SNRPD1: variants seen among roughly 807,000 people sequenced by gnomAD.
The protein encoded by SNRPD1 is small nuclear ribonucleoprotein D1 polypeptide, also known as small nuclear ribonucleoprotein Sm D1.
In SNRPD1, 1 loss-of-function variant was observed where a neutral mutation model predicts 14.4. That is an observed-to-expected ratio of 0.07 (90% CI 0.02 to 0.33). The LOEUF (loss-of-function observed/expected upper bound fraction) is 0.33, where lower values mean the gene tolerates loss of function less well. SNRPD1 is among the 10% of genes least tolerant of loss of function. The pLI is 1.00. For synonymous variants in SNRPD1, 42 were observed against 50.3 expected (o/e 0.83, Z 0.70); for missense variants, 52 against 146.4 (o/e 0.36, Z 3.33).
At chr18:21,613,633 G>C (rs2038936095) in intron 1 of SNRPD1, among the ~76,000 whole-genome samples, 1 of 152,092 alleles carries the variant, frequency 6.6e-6, no homozygotes, top group Admixed American at 6.6e-5. Flanking sequence ...AAGGCGGGTG[G>C]ATCACTAGGT....
intron 1 of SNRPD1, among the ~76,000 whole-genome samples, chr18:21,620,044 T>TCC (rs1207935945): frequency 6.6e-6 from 1 of 152,030 alleles, no homozygotes; most frequent in East Asian, 1.9e-4. Context: ...AACCTCTGCC[T>TCC]CCCAGGTTCA....
chr18:21,625,317 T>A (rs567258609), intron 3 of SNRPD1, among the ~76,000 whole-genome samples: 903 of 89,084 alleles, frequency 0.01, 15 homozygotes, highest in South Asian at 0.08. Context: ...TTGAAAAAAA[T>A]TTTTTTTTTT....
chr18:21,618,642 A>G (rs2146257518), intron 1 of SNRPD1, among the ~76,000 whole-genome samples: 1 of 152,284 alleles, frequency 6.6e-6, no homozygotes, highest in East Asian at 1.9e-4. Context: ...GGAGCTGAAT[A>G]ACTCTCTGGT....
intron 1 of SNRPD1, among the ~76,000 whole-genome samples, chr18:21,617,837 G>C (rs963243136): frequency 2.6e-5 from 4 of 152,026 alleles, no homozygotes; most frequent in Non-Finnish European, 4.4e-5. Context: ...AAATTAGCTG[G>C]GTGTGGTGGC....
intron 3 of SNRPD1, among the ~76,000 whole-genome samples, chr18:21,625,315 A>ATTTT (rs748864232): frequency 9.2e-5 from 9 of 98,274 alleles, no homozygotes; most frequent in Non-Finnish European, 1.4e-4. Context: ...TGTTGAAAAA[A>ATTTT]ATTTTTTTTT....
chr18:21,622,378 G>T (rs1341434410), intron 1 of SNRPD1, among the ~76,000 whole-genome samples: 1 of 152,120 alleles, frequency 6.6e-6, no homozygotes, highest in Admixed American at 6.6e-5. Flanking sequence ...CTGACCTCGT[G>T]ATCCGCCCGC....
In SNRPD1 at chr18:21,630,865, A is replaced by G. The variant is rs893134876; in HGVS notation, c.*1727A>G. 6.7e-6 allele frequency: 1 copy of G among 148,816 alleles called. No individual in the cohort carries two copies. The highest frequency in any genetic ancestry group is 1.5e-5 in the Non-Finnish European group (1 of 67,422). The allele number at this position is 148,816 out of a possible 1,614,324, so 9.2% of individuals were successfully genotyped here. ...ATATATTAGTATACATGTAGAATGT[A>G]CCTGTCATATATATTAGATATATAA... On this transcript the variant is annotated 3_prime_UTR_variant, in exon 4 of 4. Transcript: ENST00000300413.
chr18:21,624,513 G>A (rs2959526), intron 3 of SNRPD1, among the ~76,000 whole-genome samples: 26,230 of 151,670 alleles, frequency 0.17, 2,391 homozygotes, highest in Middle Eastern at 0.28. Context: ...TCAACATGGC[G>A]AAACCCCCTC....
At chr18:21,621,007 AAAT>A (rs1228618566) in intron 1 of SNRPD1, among the ~76,000 whole-genome samples, 4 of 151,902 alleles carry the variant, frequency 2.6e-5, no homozygotes, top group African/African-American at 9.7e-5. Context: ...ACTAAAAAAA[AAAT>A]ACAAAAAATT....
intron 2 of SNRPD1, 108 bp downstream of exon 2, chr18:21,622,909 T>C: frequency 1.8e-6 from 1 of 556,176 alleles, no homozygotes; most frequent in Non-Finnish European, 3.2e-6. Context: ...AATCCTTATT[T>C]TTTTTGTCTG....
chr18:21,617,427 C>A (rs1338393703), intron 1 of SNRPD1, among the ~76,000 whole-genome samples: 2 of 152,096 alleles, frequency 1.3e-5, no homozygotes, highest in Non-Finnish European at 2.9e-5. Flanking sequence ...ATTTGTTGTT[C>A]CTTATGTCTC....
intron 3 of SNRPD1, 112 bp downstream of exon 3, chr18:21,624,051 C>A: frequency 1.4e-6 from 1 of 690,128 alleles, no homozygotes; most frequent in Admixed American, 3.1e-5. Flanking sequence ...TTAATATTTC[C>A]TATAGTATGT....
chr18:21,616,810 C>G (rs1443380000), intron 1 of SNRPD1, among the ~76,000 whole-genome samples: 1 of 151,968 alleles, frequency 6.6e-6, no homozygotes. Flanking sequence ...CTCAGCCTCC[C>G]GAGTAGCTGG....
At chr18:21,613,511 C>G (rs1036947891) in intron 1 of SNRPD1, among the ~76,000 whole-genome samples, 2 of 152,146 alleles carry the variant, frequency 1.3e-5, no homozygotes, top group African/African-American at 4.8e-5. Context: ...TAGATAACGT[C>G]TGAAGTAACG....
intron 1 of SNRPD1, 90 bp downstream of exon 1, chr18:21,612,533 G>T (rs1267311544): frequency 7.7e-6 from 8 of 1,040,472 alleles, no homozygotes; most frequent in Non-Finnish European, 2.7e-6. Context: ...TGCAGGAGGC[G>T]GGAAAGCCGC....
At chr18:21,626,218 A>T (rs1042940452) in intron 3 of SNRPD1, among the ~76,000 whole-genome samples, 1 of 151,838 alleles carries the variant, frequency 6.6e-6, no homozygotes, top group Non-Finnish European at 1.5e-5. Context: ...CATGGCATGA[A>T]CTTTGTCTCT....
intron 1 of SNRPD1, among the ~76,000 whole-genome samples, chr18:21,613,621 C>A (rs893085540): frequency 6.6e-6 from 1 of 152,024 alleles, no homozygotes; most frequent in African/African-American, 2.4e-5. Context: ...CTTTGGGAGG[C>A]CAAGGCGGGT....
At chr18:21,619,023 CTA>C (rs201098177) in intron 1 of SNRPD1, among the ~76,000 whole-genome samples, 2,399 of 152,176 alleles carry the variant, frequency 0.016, 58 homozygotes, top group African/African-American at 0.054. Flanking sequence ...ATATTATAGA[CTA>C]AAAGTTTTTA....
chr18:21,620,367 G>T (rs2038988681), intron 1 of SNRPD1, among the ~76,000 whole-genome samples: 1 of 151,938 alleles, frequency 6.6e-6, no homozygotes, highest in Non-Finnish European at 1.5e-5. Context: ...TCTCAAAGTG[G>T]TGAAATTACA....
Sources: gnomAD v4.1 joint callset for allele counts (sites outside exome capture counted in the v4.1 genomes callset) on GRCh38, gnomAD v4.1.1 for gene constraint, MANE v1.5 for transcripts, NCBI Gene and HGNC (gene_info 2026-07-23, HGNC 2026-07-21) for gene names.